Variants in CKAP5 observed in about 807,000 individuals in gnomAD.
The protein encoded by CKAP5 is cytoskeleton associated protein 5, also known as cytoskeleton-associated protein 5.
Under a neutral mutation model 232.8 loss-of-function variants are expected in CKAP5, and 27 were observed. The ratio of observed to expected loss-of-function variants is 0.12; its 90% CI spans 0.09 to 0.16. CKAP5 has a LOEUF of 0.16. CKAP5 is among the 10% of genes least tolerant of loss of function. The pLI is 1.00. For missense variants in CKAP5, 1,838 were observed against 2,424.7 expected (o/e 0.76, Z 5.08); for synonymous variants, 785 against 841.1 (o/e 0.93, Z 1.16).
Position 46,752,191 on chromosome 11 carries a change from T to TACAC in CKAP5, c.5133+443_5133+444insGTGT, listed in dbSNP as rs1394587501. ...ATATATATATATATATATATATATATATACACACACACACACACACACACA... is the reference window on the plus strand; with the variant it reads ...ATATATATATATATATATATATATATACACATACACACACACACACACACACACA... On this transcript the variant is annotated intron_variant, in intron 38 of 43. Coordinates refer to ENST00000529230, the MANE Select transcript of CKAP5 (RefSeq NM_001008938.4). Among the ~76,000 whole-genome samples the TACAC allele has an allele frequency of 1.6e-4, 12 of 73,140 alleles. No homozygotes were observed. The South Asian group carries it at 1.8e-3, about 11-fold the overall frequency. The allele number at this position is 73,140 out of a possible 152,430, so 48.0% of individuals were successfully genotyped here. A position where few individuals can be genotyped will look rare whatever the true frequency, so the allele number is the denominator to read the frequency against.
intron 1 of CKAP5, among the ~76,000 whole-genome samples, chr11:46,831,272 T>A (rs1939786074): frequency 6.6e-6 from 1 of 152,138 alleles, no homozygotes; most frequent in Admixed American, 6.5e-5. Context: ...TTTATTTAAC[T>A]CCCGCTTAGA....
chr11:46,832,215 T>C (rs558022019), intron 1 of CKAP5, among the ~76,000 whole-genome samples: 1 of 152,298 alleles, frequency 6.6e-6, no homozygotes, highest in Non-Finnish European at 1.5e-5. Context: ...AAACAATATA[T>C]ATTTAATAAA....
At position 46,793,651 on chromosome 11, in the gene CKAP5, A is replaced by G. The variant is rs145278156; in HGVS notation, c.1650+1943T>C. Among the ~76,000 whole-genome samples, 421 of 152,376 alleles carry G rather than the reference A, an allele frequency of 2.8e-3. 2 individuals are homozygous for G. Among genetic ancestry groups the G allele is most frequent in the African/African-American group, 9.6e-3 (399 of 41,592 alleles). ...AAATATACTCCTCCTGGCTGGGCGC[A>G]GTGGCTCATGCCTGTAATTCCAGCA... On this transcript the variant is annotated intron_variant, in intron 13 of 43. Coordinates refer to ENST00000529230, the MANE Select transcript of CKAP5 (RefSeq NM_001008938.4).
intron 1 of CKAP5, among the ~76,000 whole-genome samples, chr11:46,840,070 G>A (rs562566394): frequency 6.6e-6 from 1 of 152,064 alleles, no homozygotes; most frequent in Non-Finnish European, 1.5e-5. Context: ...AGTCTACAGT[G>A]AGCCATGATC....
At chr11:46,811,554 G>A (rs1451613384) in intron 4 of CKAP5, among the ~76,000 whole-genome samples, 1 of 151,972 alleles carries the variant, frequency 6.6e-6, no homozygotes, top group Non-Finnish European at 1.5e-5. Context: ...GCAGCTCACT[G>A]CAACCTCTGC....
At chr11:46,803,694 A>G (rs910216920) in intron 8 of CKAP5, among the ~76,000 whole-genome samples, 44 of 152,230 alleles carry the variant, frequency 2.9e-4, no homozygotes, top group African/African-American at 1.0e-3. Context: ...TAAGTAAAGC[A>G]TGTTCTCCCT....
At chr11:46,794,659 G>A (rs1440690079) in intron 13 of CKAP5, among the ~76,000 whole-genome samples, 3 of 151,490 alleles carry the variant, frequency 2.0e-5, no homozygotes, top group African/African-American at 7.3e-5. Flanking sequence ...GCAACACAGC[G>A]AGGCCCTCTA....
chr11:46,770,381 T>A (rs1049273285), intron 25 of CKAP5: 3 of 389,688 alleles, frequency 7.7e-6, no homozygotes, highest in Admixed American at 8.2e-5. Flanking sequence ...CGATTTCAAA[T>A]TGAGACTCAC....
intron 1 of CKAP5, among the ~76,000 whole-genome samples, chr11:46,827,406 G>A (rs1375363290): frequency 1.3e-5 from 2 of 152,096 alleles, no homozygotes; most frequent in Non-Finnish European, 2.9e-5. Context: ...GGGCAGGAAG[G>A]TAATAGAAGG....
intron 9 of CKAP5, among the ~76,000 whole-genome samples, chr11:46,800,738 A>C (rs1255581243): frequency 6.6e-6 from 1 of 152,228 alleles, no homozygotes; most frequent in Non-Finnish European, 1.5e-5. Flanking sequence ...CAAATATGTA[A>C]GTAAATTATA....
At chr11:46,752,219 C>CAT (rs66670580) in intron 38 of CKAP5, among the ~76,000 whole-genome samples, 16,692 of 84,218 alleles carry the variant, frequency 0.2, 2,571 homozygotes, top group East Asian at 0.45. Flanking sequence ...CACACACACA[C>CAT]ACACACACAC....
intron 36 of CKAP5, 73 bp from the exon 37 acceptor site, chr11:46,753,570 C>A: frequency 9.2e-7 from 1 of 1,090,546 alleles, no homozygotes; most frequent in South Asian, 1.6e-5. Flanking sequence ...GTGGCATATT[C>A]TGATAAATAT....
chr11:46,777,577 A>C, intron 22 of CKAP5, 25 bp from the exon 23 acceptor site: 1 of 1,474,282 alleles, frequency 6.8e-7, no homozygotes, highest in East Asian at 2.3e-5. Flanking sequence ...CCAATACTTT[A>C]TGTTGAAACG....
chr11:46,795,199 C>T (rs1374885739), intron 13 of CKAP5, among the ~76,000 whole-genome samples: 5 of 151,664 alleles, frequency 3.3e-5, no homozygotes, highest in African/African-American at 9.7e-5. Flanking sequence ...CATGGTGGCA[C>T]GTGCCTGTAA....
intron 1 of CKAP5, among the ~76,000 whole-genome samples, chr11:46,829,724 G>A (rs1249063223): frequency 6.6e-6 from 1 of 152,100 alleles, no homozygotes; most frequent in Non-Finnish European, 1.5e-5. Flanking sequence ...ACTGCACAGG[G>A]GGATCCCTAA....
Position 46,835,394 on chromosome 11 carries a change from A to G in CKAP5, c.-38+10826T>C, listed in dbSNP as rs141725030. The stretch of plus-strand genomic sequence containing the variant: ...AAAAGGAACCAGAAATCTTTGGAGA[A>G]ATGTCTAATTCTAGGGTTAGAGCAG... On this transcript the variant is annotated intron_variant, in intron 1 of 43. Coordinates refer to ENST00000529230, the MANE Select transcript of CKAP5 (RefSeq NM_001008938.4). Among the ~76,000 whole-genome samples, 828 of 152,078 alleles carry G rather than the reference A, an allele frequency of 5.4e-3. 6 individuals are homozygous for G. The highest frequency in any genetic ancestry group is 0.019 in the African/African-American group (799 of 41,462).
chr11:46,838,162 TCAGA>T (rs1026934331), intron 1 of CKAP5, among the ~76,000 whole-genome samples: 2 of 152,156 alleles, frequency 1.3e-5, no homozygotes, highest in African/African-American at 4.8e-5. Context: ...GAGAAAAACA[TCAGA>T]CAAATTCCAA....
intron 1 of CKAP5, among the ~76,000 whole-genome samples, chr11:46,841,336 G>A (rs1940047230): frequency 6.6e-6 from 1 of 151,744 alleles, no homozygotes; most frequent in South Asian, 2.1e-4. Flanking sequence ...CACTGCTGAA[G>A]AACTACTTGC....
chr11:46,760,291 A>C, intron 33 of CKAP5: 2 of 440,348 alleles, frequency 4.5e-6, no homozygotes, highest in Non-Finnish European at 8.7e-6. Flanking sequence ...GGATGAATCC[A>C]AGTCAGAAGT....
Sources: gnomAD v4.1 joint callset for allele counts (sites outside exome capture counted in the v4.1 genomes callset) on GRCh38, gnomAD v4.1.1 for gene constraint, MANE v1.5 for transcripts, NCBI Gene and HGNC (gene_info 2026-07-23, HGNC 2026-07-21) for gene names.